CALCRL: variants seen among roughly 807,000 people sequenced by gnomAD.
CALCRL encodes calcitonin gene-related peptide type 1 receptor.
In CALCRL, 27 loss-of-function variants were observed where a neutral mutation model predicts 60.4. That is an observed-to-expected ratio of 0.45 (90% CI 0.33 to 0.62). CALCRL has a LOEUF of 0.62. Among genes scored for constraint, CALCRL ranks in the 20% least tolerant of loss-of-function variants. CALCRL has a pLI of 0.03. For missense variants in CALCRL, 424 were observed against 540.7 expected (o/e 0.78, Z 2.14); for synonymous variants, 190 against 182.6 (o/e 1.04, Z -0.33).
At chr2:187,381,037 CA>C (rs1687965571) in intron 5 of CALCRL, among the ~76,000 whole-genome samples, 1 of 151,890 alleles carries the variant, frequency 6.6e-6, no homozygotes, top group African/African-American at 2.4e-5. Context: ...TTTTAATTGT[CA>C]AAGGTAGCTA....
rs991180948 is a variant in CALCRL at position 187,419,294 on chromosome 2, G to A, written c.-293+28745C>T. 2.8e-4 allele frequency among the ~76,000 whole-genome samples: 42 copies of A among 152,118 alleles called. 1 individual carries two copies. Among genetic ancestry groups the A allele is most frequent in the Middle Eastern group, 3.4e-3 (1 of 294 alleles). On this transcript the variant is annotated intron_variant, in intron 1 of 14. Transcript: ENST00000392370. ...TTACGGTTAATGAAGTAATAAATGC[G>A]TATCCCTAATCTAATATGACTGATG...
intron 1 of CALCRL, among the ~76,000 whole-genome samples, chr2:187,433,421 T>G (rs1690489809): frequency 6.6e-6 from 1 of 152,064 alleles, no homozygotes; most frequent in Admixed American, 6.6e-5. Context: ...ATTAATAAAA[T>G]TACAATGTAT....
intron 1 of CALCRL, among the ~76,000 whole-genome samples, chr2:187,405,960 G>T (rs1174383338): frequency 1.4e-5 from 2 of 146,608 alleles, no homozygotes; most frequent in Non-Finnish European, 3.0e-5. Context: ...TGTATGTAGG[G>T]GTGTGTGTGT....
chr2:187,429,827 A>G (rs908640460), intron 1 of CALCRL, among the ~76,000 whole-genome samples: 1 of 152,032 alleles, frequency 6.6e-6, no homozygotes, highest in Non-Finnish European at 1.5e-5. Flanking sequence ...TGGACCTTTC[A>G]TTATCAGCTA....
chr2:187,368,267 A>G (rs1687380934), intron 8 of CALCRL, among the ~76,000 whole-genome samples: 1 of 152,090 alleles, frequency 6.6e-6, no homozygotes, highest in African/African-American at 2.4e-5. Context: ...CATATGGTTG[A>G]TTTTAATCAA....
At chr2:187,414,894 A>T (rs1346276640) in intron 1 of CALCRL, among the ~76,000 whole-genome samples, 1 of 147,274 alleles carries the variant, frequency 6.8e-6, no homozygotes, top group Non-Finnish European at 1.5e-5. Context: ...TTTTTTAAAA[A>T]AAAAAAGGTA....
intron 1 of CALCRL, among the ~76,000 whole-genome samples, chr2:187,412,243 G>C (rs971369410): frequency 6.6e-6 from 1 of 152,026 alleles, no homozygotes; most frequent in Non-Finnish European, 1.5e-5. Context: ...ATTTCCACTA[G>C]TCAGGATAGC....
At chr2:187,353,707 C>T in intron 12 of CALCRL, among the ~76,000 whole-genome samples, 1 of 151,866 alleles carries the variant, frequency 6.6e-6, no homozygotes, top group Non-Finnish European at 1.5e-5. Context: ...GCTGTTATTC[C>T]ACTCATCCTA....
chr2:187,391,110 A>G (rs1688423082), intron 1 of CALCRL, among the ~76,000 whole-genome samples: 1 of 152,200 alleles, frequency 6.6e-6, no homozygotes, highest in African/African-American at 2.4e-5. Context: ...ATAGACTCTC[A>G]TACTGGGAGA....
intron 14 of CALCRL, among the ~76,000 whole-genome samples, chr2:187,347,640 CACAT>C (rs2105683375): frequency 6.6e-6 from 1 of 151,862 alleles, no homozygotes; most frequent in East Asian, 1.9e-4. Flanking sequence ...CACACACACA[CACAT>C]ACACACACAC....
chr2:187,349,020 C>G (rs1346073197), intron 14 of CALCRL, among the ~76,000 whole-genome samples: 1 of 151,624 alleles, frequency 6.6e-6, no homozygotes, highest in Admixed American at 6.6e-5. Flanking sequence ...AAGGAACTAA[C>G]TTTATACTCC....
chr2:187,411,601 C>T (rs1002697526), intron 1 of CALCRL, among the ~76,000 whole-genome samples: 1 of 151,832 alleles, frequency 6.6e-6, no homozygotes, highest in South Asian at 2.1e-4. Context: ...GATGTAGAAT[C>T]GGTGTCAAAA....
At chr2:187,387,842 A>G (rs970155613) in intron 1 of CALCRL, 86 bp from the exon 2 acceptor site, 3 of 375,166 alleles carry the variant, frequency 8.0e-6, no homozygotes, top group African/African-American at 2.1e-5. Context: ...CAAAGAAAAT[A>G]CTGCTACTAA....
intron 1 of CALCRL, among the ~76,000 whole-genome samples, chr2:187,397,742 A>G (rs1315989189): frequency 6.6e-6 from 1 of 151,540 alleles, no homozygotes; most frequent in Non-Finnish European, 1.5e-5. Context: ...TCCACACTCT[A>G]TGTCTTTGTG....
intron 1 of CALCRL, chr2:187,415,848 A>C: frequency 2.9e-6 from 1 of 349,940 alleles, no homozygotes. Flanking sequence ...AGAAAGTAAG[A>C]CCCCTGCACC....
intron 1 of CALCRL, among the ~76,000 whole-genome samples, chr2:187,444,449 A>G (rs916156987): frequency 7.3e-5 from 11 of 151,596 alleles, no homozygotes; most frequent in Non-Finnish European, 1.5e-4. Context: ...ATTTAATTTA[A>G]ACCATGAAAA....
At chr2:187,429,737 T>C (rs1335190374) in intron 1 of CALCRL, among the ~76,000 whole-genome samples, 2 of 152,200 alleles carry the variant, frequency 1.3e-5, no homozygotes, top group Non-Finnish European at 2.9e-5. Flanking sequence ...AAGGCAGCCA[T>C]TAACTTCTCA....
intron 1 of CALCRL, among the ~76,000 whole-genome samples, chr2:187,404,294 A>T (rs770880788): frequency 8.0e-4 from 122 of 152,038 alleles, no homozygotes; most frequent in Non-Finnish European, 1.5e-3. Context: ...AAATACCCTG[A>T]AGAAACTAAA....
At chr2:187,436,325 A>G (rs1690643203) in intron 1 of CALCRL, among the ~76,000 whole-genome samples, 1 of 152,162 alleles carries the variant, frequency 6.6e-6, no homozygotes, top group South Asian at 2.1e-4. Context: ...TAGGTTCAGA[A>G]TAAGTAGAGA....
Sources: allele counts gnomAD v4.1 joint callset (sites outside exome capture counted in the v4.1 genomes callset), GRCh38; gene constraint gnomAD v4.1.1; transcripts MANE v1.5; gene names NCBI Gene and HGNC (gene_info 2026-07-23, HGNC 2026-07-21).